Variants in WWTR1 observed in about 807,000 individuals in gnomAD.
The protein encoded by WWTR1 is WW domain-containing transcription regulator protein 1.
A neutral mutation model predicts 40.1 loss-of-function variants in WWTR1; 13 were observed. That is an observed-to-expected ratio of 0.32 (90% CI 0.21 to 0.52). The LOEUF is 0.52. Among genes scored for constraint, WWTR1 ranks in the 20% least tolerant of loss-of-function variants. WWTR1 has a pLI of 0.97. For missense variants in WWTR1, 436 were observed against 523.1 expected (o/e 0.83, Z 1.63); for synonymous variants, 230 against 210.1 (o/e 1.09, Z -0.82).
At chr3:149,674,705 G>T (rs909665955) in intron 1 of WWTR1, among the ~76,000 whole-genome samples, 2 of 152,166 alleles carry the variant, frequency 1.3e-5, no homozygotes, top group African/African-American at 4.8e-5. Context: ...AACTTAGCTT[G>T]AAGATTGTTC....
chr3:149,541,482 T>C lies in WWTR1; in HGVS notation c.771+853A>G, dbSNP rs1204200947. ...TTGCAGAGCACTCTGTTGGAGTCCA[T>C]ATACAAACCACTTTCCCTTCTCATT... On this transcript the variant is annotated intron_variant, in intron 4 of 6. Coordinates refer to ENST00000360632, the MANE Select transcript of WWTR1 (RefSeq NM_015472.6). Among the ~76,000 whole-genome samples the C allele has an allele frequency of 4.6e-5, 7 of 152,308 alleles. No individual in the cohort carries two copies. The South Asian group carries it at 1.5e-3, about 32-fold the overall frequency.
intron 3 of WWTR1, among the ~76,000 whole-genome samples, chr3:149,563,705 A>C (rs1024741385): frequency 7.9e-5 from 12 of 152,096 alleles, no homozygotes; most frequent in African/African-American, 2.9e-4. Flanking sequence ...TTATACTGGC[A>C]TTTTCCCATC....
chr3:149,530,334 C>T (rs1362543852), intron 4 of WWTR1, among the ~76,000 whole-genome samples: 4 of 142,980 alleles, frequency 2.8e-5, no homozygotes, highest in East Asian at 2.0e-4. Context: ...GGCGACAAAG[C>T]GAGACTCTGT....
Position 149,520,983 on chromosome 3 carries a change from T to C in WWTR1, c.1025A>G (p.Asn342Ser). 2 of 1,592,494 alleles carry C rather than the reference T, an allele frequency of 1.3e-6. No homozygotes were observed. The highest frequency in any genetic ancestry group is 1.7e-6 in the Non-Finnish European group (2 of 1,173,058). The change falls in exon 7 of 7, where the codon AAC becomes AGC. Residue 342 changes from asparagine to serine, a missense_variant. Asn to Ser is a conservative substitution (Grantham distance 46, BLOSUM62 1). Transcript: ENST00000360632. The stretch of plus-strand genomic sequence containing the variant: ...GATGTTCATGGGTGTTTGTCCTGCG[T>C]TTTCTCCTATAACAAAATGAAAAGA... ...SNVDEMDTGE[N>S]AGQTPMNINP...
intron 2 of WWTR1, among the ~76,000 whole-genome samples, chr3:149,620,566 C>CCCA (rs1408415889): frequency 4.7e-5 from 7 of 149,812 alleles, no homozygotes; most frequent in African/African-American, 1.5e-4. Flanking sequence ...TCCACCGCTC[C>CCCA]CCCCCACACA....
chr3:149,620,572 A>C (rs113003606), intron 2 of WWTR1, among the ~76,000 whole-genome samples: 7,497 of 62,312 alleles, frequency 0.12, 249 homozygotes, highest in East Asian at 0.16. Context: ...GCTCCCCCCC[A>C]CACACACACA....
intron 3 of WWTR1, among the ~76,000 whole-genome samples, chr3:149,543,578 C>A (rs1466086754): frequency 9.2e-4 from 1 of 1,092 alleles, no homozygotes; most frequent in Non-Finnish European, 2.6e-3. Flanking sequence ...AAGACTCTGT[C>A]TCAAAAAAAA....
At chr3:149,701,344 T>G (rs534064206) in intron 1 of WWTR1, among the ~76,000 whole-genome samples, 1 of 152,308 alleles carries the variant, frequency 6.6e-6, no homozygotes, top group African/African-American at 2.4e-5. Flanking sequence ...TCCGATCACC[T>G]GTGTTCCCCT....
rs952471783 is a variant in WWTR1, at chr3:149,577,370, CT to C, written c.432-4371del. 9.9e-5 allele frequency among the ~76,000 whole-genome samples: 15 copies of C among 152,176 alleles called. 1 individual carries two copies. Among genetic ancestry groups the C allele is most frequent in the Admixed American group, 5.9e-4 (9 of 15,272 alleles). ...CCTCGACTTAAAAAAAAGAAAAATC[CT>C]CTACAAGTGCTTCCCATGGAGAGCC... On this transcript the variant is annotated intron_variant, in intron 2 of 6. Coordinates refer to ENST00000360632, the MANE Select transcript of WWTR1 (RefSeq NM_015472.6).
At chr3:149,575,099 A>G (rs7630737) in intron 2 of WWTR1, among the ~76,000 whole-genome samples, 3 of 151,166 alleles carry the variant, frequency 2.0e-5, no homozygotes, top group African/African-American at 7.3e-5. Flanking sequence ...ATCCCCCCCA[A>G]AAAAAAAAGA....
At chr3:149,527,753 C>T (rs983993119) in intron 5 of WWTR1, 83 bp downstream of exon 5, 78 of 1,592,014 alleles carry the variant, frequency 4.9e-5, no homozygotes, top group Admixed American at 1.0e-4. Context: ...CCCACCTCTT[C>T]CCAATGTAAA....
At chr3:149,674,253 G>C (rs1576635833) in intron 1 of WWTR1, among the ~76,000 whole-genome samples, 1 of 149,894 alleles carries the variant, frequency 6.7e-6, no homozygotes, top group African/African-American at 2.5e-5. Flanking sequence ...CTCTCTCTCT[G>C]TCTGTCTTTC....
chr3:149,577,403 G>C (rs916436957), intron 2 of WWTR1, among the ~76,000 whole-genome samples: 5 of 152,250 alleles, frequency 3.3e-5, no homozygotes, highest in African/African-American at 1.2e-4. Flanking sequence ...AGCCCTGGTG[G>C]TATGTGGGGT....
At chr3:149,677,708 C>T (rs1714314739) in intron 1 of WWTR1, among the ~76,000 whole-genome samples, 2 of 152,080 alleles carry the variant, frequency 1.3e-5, no homozygotes, top group African/African-American at 4.8e-5. Flanking sequence ...GGTGTCGTGA[C>T]GCGTGCCTAT....
In WWTR1 at chr3:149,546,738, G is replaced by A. The variant is rs59806854; in HGVS notation, c.569-4201C>T. ...ATGTAAGCTTCAAACTCAATATTTT[G>A]TTGGTAGAGTGAAAGAAAGAAGCCC... On this transcript the variant is annotated intron_variant, in intron 3 of 6. Coordinates refer to ENST00000360632, the MANE Select transcript of WWTR1 (RefSeq NM_015472.6). Among the ~76,000 whole-genome samples, 1,229 of 152,216 alleles carry A rather than the reference G, an allele frequency of 8.1e-3. 15 individuals are homozygous for A. The highest frequency in any genetic ancestry group is 0.029 in the African/African-American group (1,186 of 41,532).
chr3:149,666,731 A>G (rs1420098509), intron 2 of WWTR1, among the ~76,000 whole-genome samples: 1 of 152,202 alleles, frequency 6.6e-6, no homozygotes, highest in Non-Finnish European at 1.5e-5. Flanking sequence ...TGTCTTGCCA[A>G]AGGCCATTGA....
chr3:149,680,407 G>A (rs1268122537), intron 1 of WWTR1, among the ~76,000 whole-genome samples: 1 of 152,128 alleles, frequency 6.6e-6, no homozygotes, highest in Non-Finnish European at 1.5e-5. Context: ...AGCCCAGTGT[G>A]GTGGCAGGCA....
chr3:149,647,574 T>C (rs1010596326), intron 2 of WWTR1, among the ~76,000 whole-genome samples: 2 of 152,202 alleles, frequency 1.3e-5, no homozygotes, highest in Non-Finnish European at 2.9e-5. Flanking sequence ...GCAGAAATGA[T>C]AGATCCAGCA....
At chr3:149,695,380 T>C (rs962780990) in intron 1 of WWTR1, among the ~76,000 whole-genome samples, 41 of 152,312 alleles carry the variant, frequency 2.7e-4, no homozygotes, top group African/African-American at 9.4e-4. Flanking sequence ...GATGGGATTA[T>C]TGTTCATTGT....
Sources: gnomAD v4.1 joint callset for allele counts (sites outside exome capture counted in the v4.1 genomes callset) on GRCh38, gnomAD v4.1.1 for gene constraint, MANE v1.5 for transcripts, NCBI Gene and HGNC (gene_info 2026-07-23, HGNC 2026-07-21) for gene names.